NEO1: variants seen among roughly 807,000 people sequenced by gnomAD.
NEO1 encodes neogenin.
In NEO1, 63 loss-of-function variants were observed where a neutral mutation model predicts 159.7. The observed-to-expected ratio is 0.39, with a 90% CI of 0.32 to 0.49. NEO1 has a LOEUF of 0.49. NEO1 is among the 20% of genes least tolerant of loss of function. NEO1 has a pLI of 0.85. For synonymous variants in NEO1, 633 were observed against 662.0 expected (o/e 0.96, Z 0.67); for missense variants, 1,615 against 1,831.0 (o/e 0.88, Z 2.15).
intron 5 of NEO1, among the ~76,000 whole-genome samples, chr15:73,159,264 G>A (rs527941916): frequency 2.0e-5 from 3 of 152,232 alleles, no homozygotes; most frequent in South Asian, 2.1e-4. Flanking sequence ...CCTTATACAC[G>A]TATGTGTTGT....
chr15:73,253,575 C>A, intron 12 of NEO1, 126 bp downstream of exon 12: 2 of 565,354 alleles, frequency 3.5e-6, no homozygotes, highest in Non-Finnish European at 5.9e-6. Flanking sequence ...TAATAATCTG[C>A]ATTTAAAAAT....
Position 73,101,148 on chromosome 15 carries a change from A to G in NEO1, c.131-15392A>G, listed in dbSNP as rs375759668. ...TTTAGTTGCATTGTCCACATTAGAC[A>G]TGCTGTATTTTCATTTTCATTAAAT... On this transcript the variant is annotated intron_variant, in intron 1 of 28. Coordinates refer to ENST00000261908, the MANE Select transcript of NEO1 (RefSeq NM_002499.4). 3.3e-5 allele frequency among the ~76,000 whole-genome samples: 5 copies of G among 152,350 alleles called. No individual in the cohort carries two copies. In the East Asian group the frequency reaches 7.7e-4, roughly 23 times the overall value.
At chr15:73,131,358 T>G (rs753127396) in intron 4 of NEO1, among the ~76,000 whole-genome samples, 2 of 152,146 alleles carry the variant, frequency 1.3e-5, no homozygotes, top group African/African-American at 2.4e-5. Context: ...AAGAAAGAGG[T>G]CTCCTCAGTG....
At chr15:73,191,854 C>G (rs1383695219) in intron 7 of NEO1, among the ~76,000 whole-genome samples, 1 of 151,922 alleles carries the variant, frequency 6.6e-6, no homozygotes, top group African/African-American at 2.4e-5. Flanking sequence ...TACTTTTTAA[C>G]CCTTCTCTTA....
At chr15:73,063,517 T>C (rs2068069751) in intron 1 of NEO1, among the ~76,000 whole-genome samples, 1 of 152,128 alleles carries the variant, frequency 6.6e-6, no homozygotes, top group East Asian at 1.9e-4. Context: ...ATGAGTGAGC[T>C]TATGTTGAAG....
At chr15:73,080,805 A>C (rs561098141) in intron 1 of NEO1, among the ~76,000 whole-genome samples, 1 of 152,216 alleles carries the variant, frequency 6.6e-6, no homozygotes, top group South Asian at 2.1e-4. Flanking sequence ...GTTGGGTAGG[A>C]CTGGAAGAAG....
chr15:73,161,575 A>T (rs2034181580), intron 5 of NEO1, among the ~76,000 whole-genome samples: 1 of 152,218 alleles, frequency 6.6e-6, no homozygotes, highest in African/African-American at 2.4e-5. Flanking sequence ...CTTAAATCCA[A>T]GCAAAGGGTG....
chr15:73,288,982 G>T, intron 24 of NEO1, 164 bp from the exon 25 acceptor site: 2 of 616,738 alleles, frequency 3.2e-6, no homozygotes, highest in South Asian at 3.8e-5. Context: ...CTCTTGTAAT[G>T]CTCTAATGAT....
chr15:73,289,672 A>G (rs1275467336), intron 25 of NEO1, among the ~76,000 whole-genome samples: 1 of 152,176 alleles, frequency 6.6e-6, no homozygotes, highest in African/African-American at 2.4e-5. Flanking sequence ...GCCAAGCAAG[A>G]TGGCCCACAC....
In NEO1 at chr15:73,176,482, T is replaced by A. The variant is rs571077961; in HGVS notation, c.1095T>A (p.Thr365=). 4 of 1,612,000 alleles carry A rather than the reference T, an allele frequency of 2.5e-6. No homozygotes were observed. The East Asian group carries it at 8.9e-5, about 36-fold the overall frequency. ...SMDIVFECEV[T]GKPTPTVKWV... ...ATATTGTATTTGAATGTGAAGTGAC[T>A]GGAAAACCAACTCCAACTGTGAAGT... Residue 365 remains threonine (T), a synonymous_variant, in exon 6 of 29, where the codon ACT becomes ACA. Transcript: ENST00000261908.
chr15:73,191,360 CAG>C (rs1407135023), intron 7 of NEO1, among the ~76,000 whole-genome samples: 5 of 151,488 alleles, frequency 3.3e-5, no homozygotes, highest in Admixed American at 6.6e-5. Context: ...CATAGAAAGA[CAG>C]AGTATCGATG....
At chr15:73,100,745 C>T (rs888203200) in intron 1 of NEO1, among the ~76,000 whole-genome samples, 5 of 152,192 alleles carry the variant, frequency 3.3e-5, no homozygotes, top group African/African-American at 1.2e-4. Context: ...ATCACATTCT[C>T]CTATTTGAAC....
chr15:73,262,595 C>A (rs1281595991), intron 15 of NEO1, among the ~76,000 whole-genome samples: 1 of 152,138 alleles, frequency 6.6e-6, no homozygotes, highest in Non-Finnish European at 1.5e-5. Context: ...TGTTAGTAGA[C>A]TGGCAATAAC....
chr15:73,294,976 A>G (rs1205613734), intron 26 of NEO1, among the ~76,000 whole-genome samples: 1 of 151,540 alleles, frequency 6.6e-6, no homozygotes, highest in African/African-American at 2.4e-5. Flanking sequence ...GCTTGAACTC[A>G]CATCTAAATT....
At chr15:73,120,572 T>C (rs561962389) in intron 2 of NEO1, among the ~76,000 whole-genome samples, 26 of 151,964 alleles carry the variant, frequency 1.7e-4, no homozygotes, top group Non-Finnish European at 3.2e-4. Context: ...TTTTAGATAT[T>C]ATAATAGCTA....
chr15:73,253,838 T>G (rs2040204996), intron 12 of NEO1, among the ~76,000 whole-genome samples: 1 of 152,212 alleles, frequency 6.6e-6, no homozygotes, highest in Admixed American at 6.5e-5. Context: ...ATAAGTTGTT[T>G]ATAACATGGT....
At chr15:73,070,470 TG>T (rs1160867090) in intron 1 of NEO1, among the ~76,000 whole-genome samples, 1 of 152,224 alleles carries the variant, frequency 6.6e-6, no homozygotes, top group African/African-American at 2.4e-5. Context: ...AAGGAGCATT[TG>T]TTATGTATCA....
At chr15:73,161,387 G>T (rs372266746) in intron 5 of NEO1, among the ~76,000 whole-genome samples, 2 of 151,972 alleles carry the variant, frequency 1.3e-5, no homozygotes, top group Non-Finnish European at 2.9e-5. Flanking sequence ...CACTTCAATC[G>T]TATGAGAATT....
chr15:73,106,470 A>G (rs1251441139), intron 1 of NEO1, among the ~76,000 whole-genome samples: 1 of 152,204 alleles, frequency 6.6e-6, no homozygotes, highest in Non-Finnish European at 1.5e-5. Flanking sequence ...TTGTTGATGA[A>G]TATTCTACAT....
Sources: gnomAD v4.1 joint callset for allele counts (sites outside exome capture counted in the v4.1 genomes callset) on GRCh38, gnomAD v4.1.1 for gene constraint, MANE v1.5 for transcripts, NCBI Gene and HGNC (gene_info 2026-07-23, HGNC 2026-07-21) for gene names.